CFAP70: variants seen among roughly 807,000 people sequenced by gnomAD.
CFAP70 encodes cilia and flagella associated protein 70.
CFAP70 carries 81 observed loss-of-function variants against 137.6 expected under a neutral mutation model. The ratio of observed to expected loss-of-function variants is 0.59; its 90% CI spans 0.49 to 0.71. The LOEUF (loss-of-function observed/expected upper bound fraction) is 0.71. Ranked by LOEUF, CFAP70 falls within the 30% of genes least tolerant of loss-of-function variation. The pLI is 0.00. For missense variants in CFAP70, 976 were observed against 1,226.7 expected, an observed-to-expected ratio of 0.80 and a Z score of 3.05; for synonymous variants, 382 against 423.6, an observed-to-expected ratio of 0.90 and a Z score of 1.20.
intron 25 of CFAP70, among the ~76,000 whole-genome samples, chr10:73,261,468 G>A (rs773468807): frequency 4.6e-5 from 7 of 152,164 alleles, no homozygotes; most frequent in African/African-American, 9.7e-5. Flanking sequence ...AGTAAGTCAC[G>A]TCTTACGTGG....
intron 7 of CFAP70, among the ~76,000 whole-genome samples, chr10:73,332,461 G>C (rs1443360975): frequency 1.3e-5 from 2 of 152,168 alleles, no homozygotes; most frequent in Admixed American, 1.3e-4. Flanking sequence ...AGGGCATTTA[G>C]ACAACTCCAA....
intron 9 of CFAP70, among the ~76,000 whole-genome samples, chr10:73,318,750 C>T (rs917269841): frequency 6.6e-6 from 1 of 152,202 alleles, no homozygotes; most frequent in South Asian, 2.1e-4. Context: ...TTATGATACA[C>T]TGTTTCCCTC....
intron 9 of CFAP70, among the ~76,000 whole-genome samples, chr10:73,320,670 CTT>C (rs113045058): frequency 1.3e-4 from 19 of 145,320 alleles, no homozygotes; most frequent in East Asian, 1.0e-3. Flanking sequence ...AATAATTATC[CTT>C]TTTTTTTTTT....
At chr10:73,345,232 C>T (rs780152983) in intron 4 of CFAP70, 2 of 1,613,518 alleles carry the variant, frequency 1.2e-6, no homozygotes, top group South Asian at 2.2e-5. Flanking sequence ...ACTTTAACTT[C>T]AAGACTGCAC....
intron 19 of CFAP70, among the ~76,000 whole-genome samples, chr10:73,281,109 A>T (rs895743342): frequency 2.0e-5 from 3 of 152,158 alleles, no homozygotes; most frequent in African/African-American, 7.2e-5. Flanking sequence ...TATCATTATC[A>T]TTAAGTTCAA....
At chr10:73,310,559 T>C (rs1267985503) in intron 11 of CFAP70, among the ~76,000 whole-genome samples, 1 of 152,212 alleles carries the variant, frequency 6.6e-6, no homozygotes, top group African/African-American at 2.4e-5. Context: ...AGTGAATGCC[T>C]TTCTTTCTTC....
intron 5 of CFAP70, among the ~76,000 whole-genome samples, chr10:73,343,895 GAAAT>G (rs1313645789): frequency 3.3e-5 from 5 of 151,346 alleles, no homozygotes; most frequent in Non-Finnish European, 7.4e-5. Context: ...TAATAAACCA[GAAAT>G]AAATATGATA....
At chr10:73,271,093 G>C (rs2046273056) in intron 24 of CFAP70, among the ~76,000 whole-genome samples, 1 of 152,226 alleles carries the variant, frequency 6.6e-6, no homozygotes. Flanking sequence ...CCCGGAGGCA[G>C]GGATTGCAAT....
chr10:73,311,777 G>T, intron 11 of CFAP70, 57 bp downstream of exon 12: 1 of 1,298,466 alleles, frequency 7.7e-7, no homozygotes, highest in Non-Finnish European at 1.1e-6. Context: ...AAAATGCCTT[G>T]CTTAATAAAG....
intron 15 of CFAP70, 28 bp downstream of exon 16, chr10:73,297,011 AAAG>A: frequency 6.2e-7 from 1 of 1,604,096 alleles, no homozygotes; most frequent in Non-Finnish European, 8.5e-7. Context: ...TCTACAGAGA[AAAG>A]AAAGTGCTCT....
chr10:73,318,128 G>A (rs1423083339), intron 9 of CFAP70, among the ~76,000 whole-genome samples: 1 of 152,170 alleles, frequency 6.6e-6, no homozygotes, highest in African/African-American at 2.4e-5. Context: ...TAAAGGTGAG[G>A]GTGGGGAAGG....
exon 14 of CFAP70, chr10:73,298,912 G>C: frequency 6.2e-7 from 1 of 1,613,798 alleles, no homozygotes; most frequent in Non-Finnish European, 8.5e-7. Context: ...TTTACCTTGA[G>C]TTGTTCTTTG....
intron 19 of CFAP70, among the ~76,000 whole-genome samples, chr10:73,281,368 T>C (rs1218724873): frequency 1.3e-5 from 2 of 151,828 alleles, no homozygotes; most frequent in African/African-American, 4.8e-5. Context: ...TTTTTAATTT[T>C]TGTAGAGATA....
intron 7 of CFAP70, 149 bp downstream of exon 8, chr10:73,335,281 A>G (rs2052537201): frequency 2.1e-6 from 1 of 484,894 alleles, no homozygotes; most frequent in Non-Finnish European, 3.7e-6. Context: ...GATGAACACA[A>G]CATCACTCTA....
intron 8 of CFAP70, among the ~76,000 whole-genome samples, chr10:73,323,653 A>T (rs1419991252): frequency 6.6e-6 from 1 of 152,226 alleles, no homozygotes; most frequent in East Asian, 1.9e-4. Context: ...GGGCTTAAAA[A>T]ATGGCACACC....
intron 9 of CFAP70, among the ~76,000 whole-genome samples, chr10:73,322,333 A>T (rs2050935682): frequency 1.3e-5 from 2 of 152,016 alleles, no homozygotes; most frequent in African/African-American, 4.8e-5. Flanking sequence ...CTTTTTATCA[A>T]TATAGATAAA....
intron 9 of CFAP70, among the ~76,000 whole-genome samples, chr10:73,321,322 G>A (rs1458929451): frequency 3.3e-5 from 5 of 152,130 alleles, no homozygotes; most frequent in Admixed American, 2.0e-4. Flanking sequence ...GGAAGCTGAG[G>A]CAGGAGAATT....
At chr10:73,312,682 G>C (rs2050012215) in intron 9 of CFAP70, 39 bp from the exon 11 acceptor site, 2 of 1,485,786 alleles carry the variant, frequency 1.3e-6, no homozygotes, top group Non-Finnish European at 1.8e-6. Context: ...AGCAATACAT[G>C]AGACAAACTT....
intron 5 of CFAP70, among the ~76,000 whole-genome samples, chr10:73,343,726 CA>C: frequency 6.6e-6 from 1 of 151,592 alleles, no homozygotes. Flanking sequence ...AAAAGCAAAG[CA>C]AAAAAGAATT....
Sources: allele counts gnomAD v4.1 joint callset (sites outside exome capture counted in the v4.1 genomes callset), GRCh38; gene constraint gnomAD v4.1.1; transcripts MANE v1.5; gene names NCBI Gene and HGNC (gene_info 2026-07-23, HGNC 2026-07-21).